Variants in KLC1 observed in about 807,000 individuals in gnomAD.
The protein encoded by KLC1 is kinesin light chain 1.
A neutral mutation model predicts 84.2 loss-of-function variants in KLC1; 30 were observed. The ratio of observed to expected loss-of-function variants is 0.36; its 90% CI spans 0.27 to 0.48. The LOEUF (loss-of-function observed/expected upper bound fraction) is 0.48, where lower values mean the gene tolerates loss of function less well. Among genes scored for constraint, KLC1 ranks in the 20% least tolerant of loss-of-function variants. The pLI is 0.99. For missense variants in KLC1, 499 were observed against 805.4 expected, an observed-to-expected ratio of 0.62 and a Z score of 4.60; for synonymous variants, 289 against 293.3, an observed-to-expected ratio of 0.99 and a Z score of 0.15.
intron 1 of KLC1, among the ~76,000 whole-genome samples, chr14:103,629,886 G>A (rs971316482): frequency 6.6e-6 from 1 of 152,052 alleles, no homozygotes; most frequent in Admixed American, 6.6e-5. Context: ...TGTGGACCCC[G>A]GGAACCCGCG....
rs542374581 is a variant in KLC1, at chr14:103,645,396, T to A, written c.-1-9168T>A. On this transcript the variant is annotated intron_variant, in intron 1 of 16. Transcript: ENST00000334553. ...AGTTGGTCATCTCCCAGGTTCCCCC[T>A]GGTGCTGCCTAGCTCAGTTCTTCTG... is the stretch of plus-strand genomic sequence containing the variant. Among the ~76,000 whole-genome samples the A allele has an allele frequency of 3.3e-5, 5 of 152,338 alleles. 1 individual carries two copies. The South Asian group carries it at 1.0e-3, about 32-fold the overall frequency.
intron 11 of KLC1, among the ~76,000 whole-genome samples, 174 bp downstream of exon 11, chr14:103,675,930 ACATGTATAAAACCCACTAT>A (rs1379955831): frequency 6.6e-6 from 1 of 152,224 alleles, no homozygotes; most frequent in Non-Finnish European, 1.5e-5. Context: ...GAGATCACTT[ACATGTATAAAACCCACTAT>A]CATGTTAGGT....
intron 15 of KLC1, chr14:103,698,310 C>T: frequency 5.6e-6 from 1 of 178,604 alleles, no homozygotes. Context: ...TGCCTGCAGC[C>T]CCACTGTGGC....
chr14:103,663,033 C>G (rs1052771862), intron 5 of KLC1, 106 bp downstream of exon 5: 2 of 691,836 alleles, frequency 2.9e-6, no homozygotes, highest in Non-Finnish European at 4.6e-6. Context: ...TATTTTTCAA[C>G]CATATCCACT....
In KLC1 at chr14:103,673,199, G is replaced by A; in HGVS notation, c.1161+12G>A. 6.2e-7 allele frequency: 1 copy of A among 1,609,146 alleles called. No homozygotes were observed. The highest frequency in any genetic ancestry group is 8.5e-7 in the Non-Finnish European group (1 of 1,177,674). On this transcript the variant is annotated intron_variant, in intron 8 of 16. Transcript: ENST00000334553. ...CGAAAAATAACCTGGTGTGTTGACTGCACAGCACTAGGGAGGGGGCCAGGA... is the reference window on the plus strand; with the variant it reads ...CGAAAAATAACCTGGTGTGTTGACTACACAGCACTAGGGAGGGGGCCAGGA...
Position 103,694,364 on chromosome 14 carries a change from G to A in KLC1, c.1848+1939G>A, listed in dbSNP as rs909279494. 1.1e-6 allele frequency: 1 copy of A among 934,996 alleles called. No homozygotes were observed. The highest frequency in any genetic ancestry group is 1.8e-5 in the African/African-American group (1 of 55,506). 57.9% of individuals were successfully genotyped at this position (934,996 alleles called of 1,614,324 possible). A position where few individuals can be genotyped will look rare whatever the true frequency, so the allele number is the denominator to read the frequency against. On this transcript the variant is annotated intron_variant, in intron 15 of 16. Coordinates refer to ENST00000334553, the MANE Select transcript of KLC1 (RefSeq NM_001394837.1). This position sits in a 1 kb window ranked among gnomAD's most constrained non-coding sequence, Gnocchi z 4.5. Reference sequence around the variant, plus strand: ...CCTCCTGGGTTCACGCCATTCTCCTGCCTCAGCCTCCCGAGTAGCTGGGAC... The same window carrying A: ...CCTCCTGGGTTCACGCCATTCTCCTACCTCAGCCTCCCGAGTAGCTGGGAC...
chr14:103,700,429 G>A (rs927669901), intron 15 of KLC1: 3 of 471,718 alleles, frequency 6.4e-6, no homozygotes, highest in Admixed American at 4.2e-5. Context: ...GGTGAGCCAT[G>A]GTGATGGGGG....
intron 9 of KLC1, 103 bp downstream of exon 9, chr14:103,673,534 T>G (rs985323301): frequency 2.5e-5 from 17 of 689,682 alleles, no homozygotes; most frequent in Non-Finnish European, 4.1e-5. Flanking sequence ...CACTTAACTT[T>G]GTACATCACT....
intron 15 of KLC1, 135 bp downstream of exon 15, chr14:103,692,560 C>T (rs1035433471): frequency 1.4e-5 from 9 of 637,424 alleles, no homozygotes; most frequent in African/African-American, 1.1e-4. Context: ...TGTTCCTAGA[C>T]AGACAGTTGT....
Position 103,693,989 on chromosome 14 carries a change from T to A in KLC1, c.1848+1564T>A. ...CCAGACTCTCTTTTAAATTGTAATA[T>A]TGTAATAAGGCTGTAAATTAAGAAT... On this transcript the variant is annotated intron_variant, in intron 15 of 16. Coordinates refer to ENST00000334553, the MANE Select transcript of KLC1 (RefSeq NM_001394837.1). This position sits in a 1 kb window ranked among gnomAD's most constrained non-coding sequence, Gnocchi z 5.1. 1 of 1,089,622 alleles carries A rather than the reference T, an allele frequency of 9.2e-7. No homozygotes were observed. The highest frequency in any genetic ancestry group is 1.1e-6 in the Non-Finnish European group (1 of 895,278). 67.5% of individuals were successfully genotyped at this position (1,089,622 alleles called of 1,614,324 possible).
chr14:103,684,782 T>C (rs2081645923), intron 13 of KLC1: 1 of 573,632 alleles, frequency 1.7e-6, no homozygotes, highest in Non-Finnish European at 3.2e-6. Flanking sequence ...TCTTCTGTGT[T>C]CTGCCAAGCA....
At chr14:103,696,877 T>G (rs1411914492) in intron 15 of KLC1, 1 of 833,488 alleles carries the variant, frequency 1.2e-6, no homozygotes, top group African/African-American at 6.3e-5. Flanking sequence ...AAGGGGATGG[T>G]CAGTGTTCTG....
chr14:103,687,236 G>A (rs1310504994), intron 14 of KLC1, 25 bp downstream of exon 14: 1 of 1,520,044 alleles, frequency 6.6e-7, no homozygotes, highest in Admixed American at 2.0e-5. Context: ...CAGCTCTCCC[G>A]ACTCCCTGCA....
At chr14:103,637,750 A>G (rs966530399) in intron 1 of KLC1, among the ~76,000 whole-genome samples, 1 of 152,056 alleles carries the variant, frequency 6.6e-6, no homozygotes. Context: ...TCTGTTGCCT[A>G]GGTTGGAGTG....
intron 1 of KLC1, among the ~76,000 whole-genome samples, chr14:103,631,773 A>G (rs938690291): frequency 6.6e-6 from 1 of 151,622 alleles, no homozygotes; most frequent in Non-Finnish European, 1.5e-5. Context: ...GATTTTTTGT[A>G]TTTTTAGTAG....
intron 15 of KLC1, chr14:103,696,573 C>T (rs1035193101): frequency 4.1e-6 from 4 of 985,406 alleles, no homozygotes; most frequent in Admixed American, 6.1e-5. Flanking sequence ...GCTGTGTGTA[C>T]GCTGTGGTCA....
chr14:103,670,071 G>A, intron 6 of KLC1, 111 bp from the exon 7 acceptor site: 2 of 716,522 alleles, frequency 2.8e-6, no homozygotes, highest in African/African-American at 1.8e-5. Flanking sequence ...TGTTCTATCC[G>A]ACTAAGAATG....
At chr14:103,630,423 A>G (rs1489371580) in intron 1 of KLC1, among the ~76,000 whole-genome samples, 2 of 152,238 alleles carry the variant, frequency 1.3e-5, no homozygotes, top group African/African-American at 4.8e-5. Context: ...ACTTACAAAA[A>G]TGATGTTTTT....
intron 12 of KLC1, 26 bp downstream of exon 12, chr14:103,677,549 G>A (rs748497605): frequency 2.2e-6 from 3 of 1,375,482 alleles, no homozygotes; most frequent in East Asian, 4.6e-5. Context: ...GTCCTTAACC[G>A]GCCCATGGGA....
Sources: allele counts gnomAD v4.1 joint callset (sites outside exome capture counted in the v4.1 genomes callset), GRCh38; gene constraint gnomAD v4.1.1; non-coding constraint Gnocchi (gnomAD v3.1); transcripts MANE v1.5; gene names NCBI Gene and HGNC (gene_info 2026-07-23, HGNC 2026-07-21).